Variants in DGKG observed in about 807,000 individuals in gnomAD.
DGKG encodes DAG kinase gamma.
DGKG carries 78 observed loss-of-function variants against 105.3 expected under a neutral mutation model. The observed-to-expected ratio is 0.74, with a 90% confidence interval of 0.62 to 0.89. The LOEUF (loss-of-function observed/expected upper bound fraction) is 0.89. Among genes scored for constraint, DGKG ranks in the 40% least tolerant of loss-of-function variants. The probability of loss-of-function intolerance (pLI) is 0.00; values close to 1 mark genes in which losing one functional copy is unlikely to be tolerated. For synonymous variants in DGKG, 346 were observed against 367.1 expected (o/e 0.94, Z 0.66); for missense variants, 958 against 1,020.1 (o/e 0.94, Z 0.83).
chr3:186,236,781 C>T (rs1720440126), intron 20 of DGKG, among the ~76,000 whole-genome samples: 2 of 152,228 alleles, frequency 1.3e-5, no homozygotes, highest in South Asian at 2.1e-4. Context: ...AGCACTGCTT[C>T]GGTCCCTCTG....
intron 1 of DGKG, among the ~76,000 whole-genome samples, chr3:186,341,401 A>T (rs759946911): frequency 7.2e-5 from 11 of 152,244 alleles, no homozygotes; most frequent in Non-Finnish European, 1.3e-4. Context: ...AGTCCTAGCT[A>T]CTTGGGAGGC....
At chr3:186,211,143 C>T (rs767558418) in intron 21 of DGKG, among the ~76,000 whole-genome samples, 4 of 152,222 alleles carry the variant, frequency 2.6e-5, no homozygotes, top group African/African-American at 4.8e-5. Context: ...GGATTGGCTA[C>T]ATAATTTGCG....
chr3:186,236,227 G>A (rs376407921), intron 20 of DGKG, among the ~76,000 whole-genome samples: 4 of 152,246 alleles, frequency 2.6e-5, no homozygotes, highest in East Asian at 3.9e-4. Context: ...CCAACTTTTA[G>A]TTGTCCTCCA....
rs1379749846 is a variant in DGKG, at chr3:186,148,441, C to G, written c.*1649G>C. 1 of 985,274 alleles carries G rather than the reference C, an allele frequency of 1.0e-6. No individual in the cohort carries two copies. Among genetic ancestry groups the G allele is most frequent in the Non-Finnish European group, 1.2e-6 (1 of 829,956 alleles). 61.0% of individuals were successfully genotyped at this position (985,274 alleles called of 1,614,324 possible). A position where few individuals can be genotyped will look rare whatever the true frequency, so the allele number is the denominator to read the frequency against. On this transcript the variant is annotated 3_prime_UTR_variant, in exon 25 of 25. Coordinates refer to ENST00000265022, the MANE Select transcript of DGKG (RefSeq NM_001346.3). ...CTTTTCCATTCAGGTCAGAGAGAAC[C>G]TCTGGGAAGCAGCATGAGGCGCTCG...
chr3:186,354,195 T>C (rs1240908757), intron 1 of DGKG, among the ~76,000 whole-genome samples: 1 of 152,136 alleles, frequency 6.6e-6, no homozygotes, highest in Non-Finnish European at 1.5e-5. Context: ...TTCTCTAGCT[T>C]ATTTACTTTA....
intron 3 of DGKG, among the ~76,000 whole-genome samples, chr3:186,305,373 G>A (rs112397910): frequency 0.011 from 1,653 of 152,346 alleles, 31 homozygotes; most frequent in African/African-American, 0.037. Context: ...CAATGGTGCT[G>A]AGGTTACGGT....
At chr3:186,335,452 C>T (rs749336361) in intron 1 of DGKG, among the ~76,000 whole-genome samples, 10 of 152,170 alleles carry the variant, frequency 6.6e-5, no homozygotes, top group Admixed American at 2.6e-4. Context: ...AAATGTTAGA[C>T]ATAAACCCTT....
intron 1 of DGKG, among the ~76,000 whole-genome samples, chr3:186,320,946 A>G (rs1293228201): frequency 6.6e-6 from 1 of 152,192 alleles, no homozygotes; most frequent in Non-Finnish European, 1.5e-5. Context: ...GAAATGTTCC[A>G]TGTGTCACAT....
intron 20 of DGKG, among the ~76,000 whole-genome samples, chr3:186,222,004 C>T (rs1215365599): frequency 6.6e-6 from 1 of 152,202 alleles, no homozygotes; most frequent in African/African-American, 2.4e-5. Context: ...GGGTCGCGCT[C>T]TTTTGATCCT....
chr3:186,250,953 C>T (rs1721194455), intron 19 of DGKG, among the ~76,000 whole-genome samples: 1 of 152,124 alleles, frequency 6.6e-6, no homozygotes, highest in South Asian at 2.1e-4. Context: ...CTGTCCCCTC[C>T]TGTTCCGATC....
intron 16 of DGKG, 57 bp downstream of exon 16, chr3:186,260,382 C>T: frequency 7.8e-7 from 1 of 1,282,736 alleles, no homozygotes; most frequent in African/African-American, 1.5e-5. Context: ...GAGGCATCTT[C>T]ATTGGAGTTT....
At position 186,288,754 on chromosome 3, in the gene DGKG, T is replaced by G. The variant is rs756348612; in HGVS notation, c.500A>C (p.Tyr167Ser). Residue 167 changes from tyrosine (Y) to serine (S), a missense_variant, in exon 6 of 25, where the codon TAC (tyrosine) becomes TCC (serine). Coordinates refer to ENST00000265022, the MANE Select transcript of DGKG (RefSeq NM_001346.3). ...PVVYLKDVVC[Y>S]LSLLETGRPQ... ...CCTCCCCGTCTCCAGCAGGGACAGG[T>G]AGCACACAACATCCTTCAGGTATAC... 9 of 1,614,138 alleles carry G rather than the reference T, an allele frequency of 5.6e-6. No homozygotes were observed. The highest frequency in any genetic ancestry group is 1.6e-4 in the Middle Eastern group (1 of 6,062).
intron 1 of DGKG, among the ~76,000 whole-genome samples, chr3:186,330,008 C>T (rs1401344960): frequency 1.3e-5 from 2 of 152,196 alleles, no homozygotes; most frequent in Non-Finnish European, 2.9e-5. Flanking sequence ...AAATGATTCT[C>T]AACCTTTTAT....
chr3:186,152,487 G>A (rs896422413), intron 24 of DGKG, among the ~76,000 whole-genome samples: 1 of 151,998 alleles, frequency 6.6e-6, no homozygotes, highest in Non-Finnish European at 1.5e-5. Flanking sequence ...CCCATGAGGG[G>A]AAGGACTTCA....
At chr3:186,208,231 G>A (rs371178331) in intron 21 of DGKG, among the ~76,000 whole-genome samples, 1 of 151,732 alleles carries the variant, frequency 6.6e-6, no homozygotes, top group Non-Finnish European at 1.5e-5. Flanking sequence ...TAGTAGAGAC[G>A]GGGTTCCACC....
intron 20 of DGKG, among the ~76,000 whole-genome samples, chr3:186,218,414 G>GAATCTCTT (rs992371677): frequency 8.0e-5 from 11 of 138,244 alleles, no homozygotes; most frequent in African/African-American, 3.0e-4. Context: ...TGAGGCAGGA[G>GAATCTCTT]AATCTCTTGA....
chr3:186,299,313 TG>T (rs1723752186), intron 3 of DGKG, among the ~76,000 whole-genome samples: 1 of 152,228 alleles, frequency 6.6e-6, no homozygotes, highest in South Asian at 2.1e-4. Context: ...TTGTCTGTTC[TG>T]GGAGATCTGG....
intron 22 of DGKG, among the ~76,000 whole-genome samples, chr3:186,177,112 G>T (rs981122810): frequency 6.6e-6 from 1 of 152,186 alleles, no homozygotes; most frequent in South Asian, 2.1e-4. Flanking sequence ...CCATAAGCCC[G>T]CATTCTGCAT....
At chr3:186,235,641 G>A (rs1720379896) in intron 20 of DGKG, among the ~76,000 whole-genome samples, 1 of 152,204 alleles carries the variant, frequency 6.6e-6, no homozygotes, top group Admixed American at 6.5e-5. Context: ...TTATGCTTGT[G>A]ACGGCAGAGC....
Sources: gnomAD v4.1 joint callset for allele counts (sites outside exome capture counted in the v4.1 genomes callset) on GRCh38, gnomAD v4.1.1 for gene constraint, MANE v1.5 for transcripts, NCBI Gene and HGNC (gene_info 2026-07-23, HGNC 2026-07-21) for gene names.